The following NOL4 variants were observed in gnomAD, a reference collection of about 807,000 sequenced individuals.
NOL4 encodes cancer/testis antigen 125.
NOL4 carries 17 observed loss-of-function variants against 75.9 expected under a neutral mutation model. That is an observed-to-expected ratio of 0.22 (90% CI 0.15 to 0.34). NOL4 has a LOEUF of 0.34. Among genes scored for constraint, NOL4 ranks in the 10% least tolerant of loss-of-function variants. The pLI is 1.00. For missense variants in NOL4, 614 were observed against 793.5 expected, an observed-to-expected ratio of 0.77 and a Z score of 2.72; for synonymous variants, 292 against 289.9, an observed-to-expected ratio of 1.01 and a Z score of -0.07.
intron 6 of NOL4, among the ~76,000 whole-genome samples, chr18:33,975,709 AG>A: frequency 6.6e-6 from 1 of 152,360 alleles, no homozygotes; most frequent in African/African-American, 2.4e-5. Context: ...TAGGAGGCAG[AG>A]GTTGCAGTCA....
At chr18:33,906,177 C>T (rs559270384) in intron 9 of NOL4, among the ~76,000 whole-genome samples, 55 of 152,246 alleles carry the variant, frequency 3.6e-4, no homozygotes, top group South Asian at 6.2e-4. Context: ...TGTACCCACA[C>T]GTAACAATGT....
intron 2 of NOL4, among the ~76,000 whole-genome samples, chr18:34,113,437 C>T (rs570755315): frequency 3.9e-5 from 6 of 152,048 alleles, no homozygotes; most frequent in Admixed American, 2.0e-4. Flanking sequence ...ACTAGGAGTT[C>T]GTGACAACCC....
At chr18:34,103,672 C>A (rs1481002334) in intron 4 of NOL4, among the ~76,000 whole-genome samples, 2 of 151,968 alleles carry the variant, frequency 1.3e-5, no homozygotes, top group African/African-American at 4.8e-5. Context: ...TTCTGATTGC[C>A]ATGCAAAATA....
In NOL4 at chr18:33,958,331, C is replaced by A. The variant is rs757628507; in HGVS notation, c.1144G>T (p.Asp382Tyr). ...TCCTCGTGGTCATCTTCGTCCTCATCTCCCCTGTTTAGTGAGAGGTCCTCA... is the reference window on the plus strand; with the variant it reads ...TCCTCGTGGTCATCTTCGTCCTCATATCCCCTGTTTAGTGAGAGGTCCTCA... ...GAEDLSLNRG[D>Y]EDEDDHEDHD... The change falls in exon 7 of 11, where the codon GAT becomes TAT. Residue 382 changes from aspartate (D) to tyrosine (Y), a missense_variant. By Grantham distance (160) the Asp-to-Tyr change is radical. Coordinates refer to ENST00000261592, the MANE Select transcript of NOL4 (RefSeq NM_003787.5). 8 of 1,613,862 alleles carry A rather than the reference C, an allele frequency of 5.0e-6. No homozygotes were observed. Among genetic ancestry groups the A allele is most frequent in the Non-Finnish European group, 5.1e-6 (6 of 1,179,802 alleles).
chr18:33,964,145 T>C (rs1227439285), intron 6 of NOL4, among the ~76,000 whole-genome samples: 1 of 152,144 alleles, frequency 6.6e-6, no homozygotes, highest in Non-Finnish European at 1.5e-5. Context: ...GAGAGTCACA[T>C]AGGCACCTTT....
At chr18:33,901,739 T>C (rs186669247) in intron 9 of NOL4, among the ~76,000 whole-genome samples, 16 of 152,222 alleles carry the variant, frequency 1.1e-4, no homozygotes, top group Admixed American at 9.8e-4. Flanking sequence ...GTTGACATAA[T>C]AATTCTCTAT....
chr18:34,083,720 T>C (rs2078115265), intron 5 of NOL4, among the ~76,000 whole-genome samples: 1 of 152,208 alleles, frequency 6.6e-6, no homozygotes, highest in Non-Finnish European at 1.5e-5. Flanking sequence ...TTTTATGCTG[T>C]CTTCTTAATG....
At chr18:33,984,490 G>T (rs2072269829) in intron 6 of NOL4, among the ~76,000 whole-genome samples, 1 of 152,010 alleles carries the variant, frequency 6.6e-6, no homozygotes, top group Non-Finnish European at 1.5e-5. Context: ...ACTGGATCAT[G>T]GGGGTGGTTT....
At chr18:34,014,616 C>T (rs2074573229) in intron 6 of NOL4, among the ~76,000 whole-genome samples, 1 of 151,876 alleles carries the variant, frequency 6.6e-6, no homozygotes, top group South Asian at 2.1e-4. Flanking sequence ...TAGCTAATCC[C>T]TTAACACTTC....
At chr18:33,927,493 C>A (rs2067411787) in intron 9 of NOL4, among the ~76,000 whole-genome samples, 1 of 152,106 alleles carries the variant, frequency 6.6e-6, no homozygotes, top group African/African-American at 2.4e-5. Flanking sequence ...GCCTGTCCTG[C>A]AGTCATCTAA....
chr18:34,109,787 G>A (rs964140579), intron 2 of NOL4, among the ~76,000 whole-genome samples: 2 of 151,568 alleles, frequency 1.3e-5, no homozygotes, highest in Non-Finnish European at 2.9e-5. Context: ...AAGAAACAGA[G>A]AAGAATCAAA....
chr18:34,077,548 C>G (rs375694231), intron 5 of NOL4, among the ~76,000 whole-genome samples: 1 of 151,818 alleles, frequency 6.6e-6, no homozygotes, highest in Non-Finnish European at 1.5e-5. Context: ...AAGCACCTAA[C>G]GATTAACTTT....
At chr18:33,866,633 T>C (rs2063441675) in intron 10 of NOL4, among the ~76,000 whole-genome samples, 3 of 152,250 alleles carry the variant, frequency 2.0e-5, no homozygotes, top group Admixed American at 6.5e-5. Flanking sequence ...ACCTAACTAA[T>C]CCTTTGATAA....
intron 1 of NOL4, among the ~76,000 whole-genome samples, chr18:34,173,496 G>T (rs571305610): frequency 6.6e-6 from 1 of 151,826 alleles, no homozygotes; most frequent in East Asian, 1.9e-4. Flanking sequence ...ATATCAGATC[G>T]TCATGTTGTA....
intron 5 of NOL4, among the ~76,000 whole-genome samples, chr18:34,076,356 A>G (rs2077744974): frequency 6.6e-6 from 1 of 152,164 alleles, no homozygotes; most frequent in African/African-American, 2.4e-5. Context: ...ACCATTTCTG[A>G]CATCCACCAA....
At chr18:33,984,825 A>G (rs1205317832) in intron 6 of NOL4, among the ~76,000 whole-genome samples, 3 of 152,128 alleles carry the variant, frequency 2.0e-5, no homozygotes, top group Non-Finnish European at 2.9e-5. Flanking sequence ...GTAAAACAAT[A>G]CAAAACAACA....
intron 1 of NOL4, among the ~76,000 whole-genome samples, chr18:34,180,531 T>G (rs1319171913): frequency 2.0e-5 from 3 of 151,508 alleles, no homozygotes; most frequent in Admixed American, 2.0e-4. Flanking sequence ...ACATTAAGCA[T>G]AATATCCCCC....
At chr18:33,932,058 G>A (rs2067727560) in intron 9 of NOL4, among the ~76,000 whole-genome samples, 1 of 151,934 alleles carries the variant, frequency 6.6e-6, no homozygotes, top group African/African-American at 2.4e-5. Context: ...TTTAGCTCTT[G>A]CATTCATGTT....
At chr18:33,977,489 T>C (rs1346152393) in intron 6 of NOL4, among the ~76,000 whole-genome samples, 1 of 152,182 alleles carries the variant, frequency 6.6e-6, no homozygotes, top group Non-Finnish European at 1.5e-5. Context: ...TTGTTCCTCT[T>C]TCGCCTTCCA....
Sources: gnomAD v4.1 joint callset for allele counts (sites outside exome capture counted in the v4.1 genomes callset) on GRCh38, gnomAD v4.1.1 for gene constraint, MANE v1.5 for transcripts, NCBI Gene and HGNC (gene_info 2026-07-23, HGNC 2026-07-21) for gene names.